Variants in PPFIBP1 observed in about 807,000 individuals in gnomAD.
The protein encoded by PPFIBP1 is PPFIB scaffold protein 1.
A neutral mutation model predicts 137.8 loss-of-function variants in PPFIBP1; 112 were observed. That is an observed-to-expected ratio of 0.81 (90% CI 0.70 to 0.95). The LOEUF is 0.95. PPFIBP1 is among the 40% of genes least tolerant of loss of function. The pLI is 0.00. For missense variants in PPFIBP1, 1,083 were observed against 1,196.6 expected (o/e 0.91, Z 1.40); for synonymous variants, 378 against 417.3 (o/e 0.91, Z 1.15).
At chr12:27,580,403 C>G (rs748563661) in intron 2 of PPFIBP1, among the ~76,000 whole-genome samples, 1 of 152,280 alleles carries the variant, frequency 6.6e-6, no homozygotes, top group South Asian at 2.1e-4. Flanking sequence ...CACTTTGTCT[C>G]GTGACCTTTC....
chr12:27,647,409 C>G (rs915728547), intron 5 of PPFIBP1, among the ~76,000 whole-genome samples: 13 of 152,172 alleles, frequency 8.5e-5, no homozygotes, highest in African/African-American at 2.2e-4. Context: ...CTTATACTAT[C>G]TCCACGCTGC....
At chr12:27,532,459 A>AT (rs56200812) in intron 1 of PPFIBP1, among the ~76,000 whole-genome samples, 2,950 of 144,382 alleles carry the variant, frequency 0.02, 72 homozygotes, top group African/African-American at 0.062. Flanking sequence ...GGAACTTTGT[A>AT]TTTTTTTTTT....
chr12:27,597,098 T>G (rs769087482), intron 2 of PPFIBP1, among the ~76,000 whole-genome samples: 1 of 152,238 alleles, frequency 6.6e-6, no homozygotes, highest in African/African-American at 2.4e-5. Flanking sequence ...GGGGTACATA[T>G]GGTATACAGG....
At chr12:27,554,015 G>A (rs1742906358) in intron 1 of PPFIBP1, among the ~76,000 whole-genome samples, 1 of 152,246 alleles carries the variant, frequency 6.6e-6, no homozygotes, top group African/African-American at 2.4e-5. Flanking sequence ...TGGAATGCCA[G>A]TGTTTCATCT....
At chr12:27,656,036 C>T (rs1369868275) in intron 8 of PPFIBP1, among the ~76,000 whole-genome samples, 5 of 152,264 alleles carry the variant, frequency 3.3e-5, no homozygotes, top group Admixed American at 6.5e-5. Flanking sequence ...TATCTGTTTT[C>T]GAAATTTATT....
At chr12:27,587,483 C>T (rs920978643) in intron 2 of PPFIBP1, among the ~76,000 whole-genome samples, 11 of 151,390 alleles carry the variant, frequency 7.3e-5, no homozygotes, top group Non-Finnish European at 1.5e-4. Flanking sequence ...ATTAGCTGGG[C>T]GTGGTGGCGG....
At chr12:27,534,558 T>G (rs1016624998) in intron 1 of PPFIBP1, among the ~76,000 whole-genome samples, 15 of 151,556 alleles carry the variant, frequency 9.9e-5, no homozygotes, top group Non-Finnish European at 8.8e-5. Flanking sequence ...AAAGTAGTGG[T>G]TATAAAAAAA....
intron 2 of PPFIBP1, among the ~76,000 whole-genome samples, chr12:27,595,278 G>T (rs929744774): frequency 6.6e-6 from 1 of 152,184 alleles, no homozygotes; most frequent in African/African-American, 2.4e-5. Flanking sequence ...ACACACATGC[G>T]TGTGCTCACA....
At chr12:27,626,874 A>G (rs1430426181) in intron 2 of PPFIBP1, among the ~76,000 whole-genome samples, 2 of 152,120 alleles carry the variant, frequency 1.3e-5, no homozygotes, top group Non-Finnish European at 2.9e-5. Flanking sequence ...CAGGATTTGC[A>G]TTTCTTACTA....
intron 2 of PPFIBP1, among the ~76,000 whole-genome samples, chr12:27,598,233 G>A (rs1350889961): frequency 6.6e-6 from 1 of 152,176 alleles, no homozygotes; most frequent in Admixed American, 6.5e-5. Flanking sequence ...AAGTTTAATG[G>A]ACTCACAGTT....
rs2057546163 is a variant in PPFIBP1 at position 27,634,959 on chromosome 12, C to T, written c.114C>T (p.Pro38=). 1.2e-6 allele frequency: 2 copies of T among 1,614,126 alleles called. No individual in the cohort carries two copies. The highest frequency in any genetic ancestry group is 1.7e-5 in the Admixed American group (1 of 60,022). ...YSNGIFDCQS[P]TSPFMGSLRA... ...ATGGGATTTTTGATTGCCAATCTCC[C>T]ACCTCTCCATTCATGGGAAGTTTGC... The change falls in exon 4 of 30, where the codon CCC becomes CCT. Residue 38 remains proline (P), a synonymous_variant. Transcript: ENST00000228425.
At chr12:27,582,813 G>A (rs531207606) in intron 2 of PPFIBP1, among the ~76,000 whole-genome samples, 1 of 152,186 alleles carries the variant, frequency 6.6e-6, no homozygotes, top group Non-Finnish European at 1.5e-5. Context: ...AGAGTTTCTT[G>A]TGACTATTAC....
rs60979452 is a variant in PPFIBP1, at chr12:27,669,769, C to G, written c.1147-1662C>G. On this transcript the variant is annotated intron_variant, in intron 13 of 29. Coordinates refer to ENST00000228425, the MANE Select transcript of PPFIBP1 (RefSeq NM_003622.4). ...AATAATTCGACTTCACATTTTATAA[C>G]CTTTTATTGTGTTAAAGGATGAGAC... is the stretch of plus-strand genomic sequence containing the variant. Among the ~76,000 whole-genome samples, 348 of 152,284 alleles carry G rather than the reference C, an allele frequency of 2.3e-3. 1 individual carries two copies. Among genetic ancestry groups the G allele is most frequent in the African/African-American group, 7.8e-3 (326 of 41,558 alleles).
intron 1 of PPFIBP1, among the ~76,000 whole-genome samples, chr12:27,537,910 AC>A (rs1945231546): frequency 6.6e-6 from 1 of 152,154 alleles, no homozygotes; most frequent in African/African-American, 2.4e-5. Context: ...GTGTGAAGCA[AC>A]CTGAATGTTG....
chr12:27,674,285 A>G, intron 17 of PPFIBP1, 64 bp downstream of exon 17: 1 of 1,292,150 alleles, frequency 7.7e-7, no homozygotes. Flanking sequence ...AAATTGCTTA[A>G]ATGTCTCCAG....
intron 2 of PPFIBP1, among the ~76,000 whole-genome samples, chr12:27,628,808 G>A (rs999137573): frequency 2.6e-5 from 4 of 152,060 alleles, no homozygotes; most frequent in Non-Finnish European, 4.4e-5. Flanking sequence ...TTTGGAAAGT[G>A]ATCCTAGGAA....
At chr12:27,651,589 C>G (rs1381271064) in intron 7 of PPFIBP1, among the ~76,000 whole-genome samples, 1 of 152,072 alleles carries the variant, frequency 6.6e-6, no homozygotes, top group Non-Finnish European at 1.5e-5. Flanking sequence ...GGTCCTAACC[C>G]CATAGTCGCA....
rs1233190369 is a variant in PPFIBP1, at chr12:27,682,678, G to C, written c.2222G>C (p.Gly741Ala). The stretch of plus-strand genomic sequence containing the variant: ...CAGTTTGATGAAGGACGGGTTGATG[G>C]TCGAATGCTACATTACATGACTGTT... ...KTQFDEGRVD[G>A]RMLHYMTVDD... Residue 741 changes from glycine to alanine, a missense_variant, in exon 24 of 30, where the codon GGT becomes GCT. Coordinates refer to ENST00000228425, the MANE Select transcript of PPFIBP1 (RefSeq NM_003622.4). 6.2e-7 allele frequency: 1 copy of C among 1,614,152 alleles called. No homozygotes were observed. Among genetic ancestry groups the C allele is most frequent in the Non-Finnish European group, 8.5e-7 (1 of 1,180,014 alleles).
intron 4 of PPFIBP1, among the ~76,000 whole-genome samples, chr12:27,637,520 T>G (rs946218859): frequency 9.2e-5 from 14 of 152,202 alleles, no homozygotes; most frequent in Non-Finnish European, 2.1e-4. Flanking sequence ...TCCAGAGAGA[T>G]AAGGAATTTT....
Sources: gnomAD v4.1 joint callset for allele counts (sites outside exome capture counted in the v4.1 genomes callset) on GRCh38, gnomAD v4.1.1 for gene constraint, MANE v1.5 for transcripts, NCBI Gene and HGNC (gene_info 2026-07-23, HGNC 2026-07-21) for gene names.